The following GUCA1C variants were observed in gnomAD, a reference collection of about 807,000 sequenced individuals.
The protein encoded by GUCA1C is guanylyl cyclase-activating protein 3.
In GUCA1C, 15 loss-of-function variants were observed where a neutral mutation model predicts 16.2. The observed-to-expected ratio is 0.93, with a 90% CI of 0.62 to 1.43. The LOEUF (loss-of-function observed/expected upper bound fraction) is 1.43, where lower values mean the gene tolerates loss of function less well. GUCA1C is among the 40% of genes most tolerant of loss of function. The pLI is 0.00. For synonymous variants in GUCA1C, 78 were observed against 85.4 expected (o/e 0.91, Z 0.48); for missense variants, 275 against 244.8 (o/e 1.12, Z -0.82).
chr3:108,916,618 A>G (rs1946519791), intron 2 of GUCA1C, among the ~76,000 whole-genome samples: 1 of 152,188 alleles, frequency 6.6e-6, no homozygotes, highest in African/African-American at 2.4e-5. Context: ...ACAATGCTGT[A>G]AGAGTCTCAA....
At chr3:108,938,805 T>C (rs1946755156) in intron 1 of GUCA1C, among the ~76,000 whole-genome samples, 1 of 152,254 alleles carries the variant, frequency 6.6e-6, no homozygotes, top group African/African-American at 2.4e-5. Context: ...ATGACTGTAA[T>C]AATTCAAGGG....
At chr3:108,919,550 C>G (rs894907415) in intron 2 of GUCA1C, among the ~76,000 whole-genome samples, 3 of 152,012 alleles carry the variant, frequency 2.0e-5, no homozygotes, top group African/African-American at 7.2e-5. Context: ...ATTATCCTAC[C>G]CTTGAATTCT....
At chr3:108,926,908 T>A (rs1016569395) in intron 1 of GUCA1C, among the ~76,000 whole-genome samples, 13 of 152,188 alleles carry the variant, frequency 8.5e-5, no homozygotes, top group Non-Finnish European at 1.5e-4. Context: ...TTAGCAGTTC[T>A]TGTAGTGCTA....
At chr3:108,929,826 A>G (rs989442234) in intron 1 of GUCA1C, among the ~76,000 whole-genome samples, 1 of 152,178 alleles carries the variant, frequency 6.6e-6, no homozygotes, top group African/African-American at 2.4e-5. Flanking sequence ...ATTCCTTTTA[A>G]TAGGAACTGG....
At position 108,935,351 on chromosome 3, in the gene GUCA1C, AAAAAAAT is replaced by A. The variant is rs530078934; in HGVS notation, c.205-14773_205-14767del. Among the ~76,000 whole-genome samples the A allele has an allele frequency of 2.3e-3, 349 of 152,170 alleles. 8 individuals are homozygous for A. The highest frequency in any genetic ancestry group is 0.016 in the Admixed American group (246 of 15,290). On this transcript the variant is annotated intron_variant, in intron 1 of 3. Transcript: ENST00000261047. The stretch of plus-strand genomic sequence containing the variant: ...TCCTGAATTTAAAATGAAAATTGAA[AAAAAAAT>A]AAAAAATAAAAAATATAAGCACATT...
chr3:108,916,173 T>C lies in GUCA1C; in HGVS notation c.396A>G (p.Glu132=). 1 of 1,613,766 alleles carries C rather than the reference T, an allele frequency of 6.2e-7. No individual in the cohort carries two copies. The highest frequency in any genetic ancestry group is 2.2e-5 in the East Asian group (1 of 44,866). The change falls in exon 3 of 4, where the codon GAA becomes GAG. Residue 132 remains glutamate (E), a synonymous_variant. Transcript: ENST00000261047. ...ALNGQQTLSP[E]EFINLVFHKI... ...TATGGAACACCAAGTTGATGAATTC[T>C]TCAGGACTCAGAGTTTGCTGGCCAT...
At position 108,916,950 on chromosome 3, in the gene GUCA1C, A is replaced by C. The variant is rs1260942830; in HGVS notation, c.355-736T>G. ...AGGAATCTTTAGAAAAACTTCTAGC[A>C]ACATATTTCAATTAGAGGACACAAT... On this transcript the variant is annotated intron_variant, in intron 2 of 3. Transcript: ENST00000261047. Among the ~76,000 whole-genome samples the C allele has an allele frequency of 3.9e-5, 6 of 152,248 alleles. No homozygotes were observed. The East Asian group carries it at 1.2e-3, about 29-fold the overall frequency.
intron 1 of GUCA1C, among the ~76,000 whole-genome samples, chr3:108,934,966 A>C (rs1420605706): frequency 6.6e-6 from 1 of 151,654 alleles, no homozygotes; most frequent in East Asian, 1.9e-4. Flanking sequence ...GGCGCCCGCC[A>C]CCACGCCCGG....
chr3:108,935,028 C>T (rs1417670698), intron 1 of GUCA1C, among the ~76,000 whole-genome samples: 4 of 151,390 alleles, frequency 2.6e-5, no homozygotes, highest in Admixed American at 1.3e-4. Flanking sequence ...TTAGCCAGGA[C>T]GGTCTCGATC....
At chr3:108,937,672 C>T (rs751299) in intron 1 of GUCA1C, among the ~76,000 whole-genome samples, 7,981 of 152,284 alleles carry the variant, frequency 0.052, 332 homozygotes, top group Middle Eastern at 0.12. Flanking sequence ...AGACCAGGCA[C>T]TGTGCTTTGC....
intron 1 of GUCA1C, among the ~76,000 whole-genome samples, chr3:108,926,743 G>C (rs1300458672): frequency 6.7e-6 from 1 of 150,330 alleles, no homozygotes; most frequent in Middle Eastern, 3.2e-3. Context: ...GCCTCCCAAA[G>C]TGCTGGGATT....
In GUCA1C at chr3:108,908,204, A is replaced by G; in HGVS notation, c.448T>C (p.Leu150=). The G allele has an allele frequency of 3.1e-6, 5 of 1,608,660 alleles. No individual in the cohort carries two copies. The highest frequency in any genetic ancestry group is 4.3e-6 in the Non-Finnish European group (5 of 1,175,232). ...HKIDINNDGE[L]TLEEFINGMA... ...CCATTGATAAATTCTTCTAAAGTCA[A>G]TTCCCCTGGAAAATAATAAACAGTT... The change falls in exon 4 of 4, where the codon TTG becomes CTG. Residue 150 remains leucine (L), a synonymous_variant. Transcript: ENST00000261047.
chr3:108,931,961 C>G (rs1946671552), intron 1 of GUCA1C, among the ~76,000 whole-genome samples: 1 of 149,132 alleles, frequency 6.7e-6, no homozygotes, highest in South Asian at 2.1e-4. Flanking sequence ...ATGCCATTCT[C>G]CTGCTCAGCC....
At chr3:108,924,465 C>A (rs1236695067) in intron 1 of GUCA1C, among the ~76,000 whole-genome samples, 3 of 151,946 alleles carry the variant, frequency 2.0e-5, no homozygotes, top group Non-Finnish European at 4.4e-5. Context: ...TATGTTAAGC[C>A]ATCCCTGCAT....
chr3:108,946,178 G>A (rs1463822177), intron 1 of GUCA1C, among the ~76,000 whole-genome samples: 2 of 152,194 alleles, frequency 1.3e-5, no homozygotes, highest in Admixed American at 6.5e-5. Flanking sequence ...TCAGGCTAGA[G>A]TGCAATGGTG....
chr3:108,907,873 C>T lies in GUCA1C; in HGVS notation c.*149G>A. On this transcript the variant is annotated 3_prime_UTR_variant, in exon 4 of 4. Coordinates refer to ENST00000261047, the MANE Select transcript of GUCA1C (RefSeq NM_005459.4). ...ATCTGTTTAGGATCTTTATGCAAGT[C>T]TCTACTGGATTAAAATAAGTGCTAT... The T allele has an allele frequency of 1.7e-6, 1 of 602,766 alleles. No individual in the cohort carries two copies. The highest frequency in any genetic ancestry group is 2.9e-6 in the Non-Finnish European group (1 of 343,726). 37.3% of individuals were successfully genotyped at this position (602,766 alleles called of 1,614,324 possible).
chr3:108,944,274 G>T lies in GUCA1C; in HGVS notation c.204+9285C>A, dbSNP rs148442824. 3.3e-5 allele frequency among the ~76,000 whole-genome samples: 5 copies of T among 152,204 alleles called. No individual in the cohort carries two copies. The East Asian group carries it at 9.7e-4, about 29-fold the overall frequency. Reference sequence around the variant, plus strand: ...CCTGCAGGGTAAACACACCTGATAGGAATAATTTCAAGGGAAACCTGAGGA... The same window carrying T: ...CCTGCAGGGTAAACACACCTGATAGTAATAATTTCAAGGGAAACCTGAGGA... On this transcript the variant is annotated intron_variant, in intron 1 of 3. Transcript: ENST00000261047.
intron 3 of GUCA1C, among the ~76,000 whole-genome samples, chr3:108,912,489 C>T (rs1408986878): frequency 6.6e-6 from 1 of 151,560 alleles, no homozygotes; most frequent in African/African-American, 2.4e-5. Flanking sequence ...TGCTTTTGTT[C>T]GTAATATAAA....
chr3:108,919,155 G>C (rs529406671), intron 2 of GUCA1C, among the ~76,000 whole-genome samples: 1 of 152,092 alleles, frequency 6.6e-6, no homozygotes, highest in South Asian at 2.1e-4. Flanking sequence ...AATTTAATTA[G>C]AGACGAATGG....
Sources: allele counts gnomAD v4.1 joint callset (sites outside exome capture counted in the v4.1 genomes callset), GRCh38; gene constraint gnomAD v4.1.1; transcripts MANE v1.5; gene names NCBI Gene and HGNC (gene_info 2026-07-23, HGNC 2026-07-21).